TRARG1: variants seen among roughly 807,000 people sequenced by gnomAD.
TRARG1 encodes trafficking regulator of GLUT4 1.
In TRARG1, 16 loss-of-function variants were observed where a neutral mutation model predicts 13.3. That is an observed-to-expected ratio of 1.20 (90% CI 0.81 to 1.83). The LOEUF (loss-of-function observed/expected upper bound fraction) is 1.83. Ranked by LOEUF, TRARG1 falls within the 40% of genes most tolerant of loss-of-function variation. The pLI is 0.00. For synonymous variants in TRARG1, 113 were observed against 106.2 expected (o/e 1.06, Z -0.39); for missense variants, 250 against 237.4 (o/e 1.05, Z -0.35).
At chr17:1,282,931 C>T (rs1288454985) in intron 1 of TRARG1, among the ~76,000 whole-genome samples, 1 of 152,090 alleles carries the variant, frequency 6.6e-6, no homozygotes, top group Non-Finnish European at 1.5e-5. Flanking sequence ...CTCAGGTGAT[C>T]CTCCCACCTC....
intron 1 of TRARG1, among the ~76,000 whole-genome samples, chr17:1,290,958 G>T (rs1057512219): frequency 1.3e-4 from 19 of 151,584 alleles, no homozygotes; most frequent in East Asian, 3.9e-4. Flanking sequence ...CAGGCTGGAG[G>T]GCAGTGGCAC....
rs1218556224 is a variant in TRARG1, at chr17:1,280,398, G to A, written c.387+10G>A. 1.3e-6 allele frequency: 2 copies of A among 1,571,748 alleles called. No individual in the cohort carries two copies. The highest frequency in any genetic ancestry group is 4.5e-5 in the East Asian group (2 of 44,362). On this transcript the variant is annotated intron_variant, in intron 1 of 2. Coordinates refer to ENST00000333813, the MANE Select transcript of TRARG1 (RefSeq NM_172367.3). ...CATCATTTCCATCATGGTAAGTGCT[G>A]GTCTTTGTTCCAGGGGCAGGGGCTG...
At chr17:1,280,451 C>T in intron 1 of TRARG1, 63 bp downstream of exon 1, 1 of 1,475,214 alleles carries the variant, frequency 6.8e-7, no homozygotes, top group Non-Finnish European at 9.0e-7. Flanking sequence ...GTGTTTCCCC[C>T]AGGCAGGCAC....
intron 1 of TRARG1, among the ~76,000 whole-genome samples, 191 bp from the exon 2 acceptor site, chr17:1,295,300 G>C (rs945136541): frequency 5.9e-5 from 9 of 152,234 alleles, no homozygotes; most frequent in African/African-American, 2.2e-4. Context: ...GTGGTTAGGG[G>C]TCTGCACAAG....
rs370626794 is a variant in TRARG1, at chr17:1,281,935, C to T, written c.387+1547C>T. 3.1e-4 allele frequency among the ~76,000 whole-genome samples: 47 copies of T among 151,948 alleles called. 1 individual carries two copies. The South Asian group carries it at 6.2e-3, about 20-fold the overall frequency. On this transcript the variant is annotated intron_variant, in intron 1 of 2. Coordinates refer to ENST00000333813, the MANE Select transcript of TRARG1 (RefSeq NM_172367.3). ...GAGTTTCTATATATACATATACATA[C>T]ATGTACATATATGCACATACATGTA...
Position 1,280,278 on chromosome 17 carries a change from T to C in TRARG1, c.277T>C (p.Ser93Pro), listed in dbSNP as rs375426779. The C allele has an allele frequency of 3.9e-5, 63 of 1,613,804 alleles. 2 individuals are homozygous for C. The African/African-American group carries it at 6.8e-4, about 17-fold the overall frequency. ...SRRASSIATT[S>P]YAQDQEAPRD... Reference sequence around the variant, plus strand: ...GAGGGCGTCCTCCATCGCCACCACCTCCTATGCCCAAGACCAAGAAGCCCC... The same window carrying C: ...GAGGGCGTCCTCCATCGCCACCACCCCCTATGCCCAAGACCAAGAAGCCCC... Residue 93 changes from serine to proline, a missense_variant, in exon 1 of 3, where the codon TCC (serine) becomes CCC (proline). Transcript: ENST00000333813.
At chr17:1,297,851 C>A (rs879415753) in intron 2 of TRARG1, among the ~76,000 whole-genome samples, 52 of 152,150 alleles carry the variant, frequency 3.4e-4, no homozygotes, top group South Asian at 6.2e-4. Context: ...GTGATCTGCC[C>A]GCCTCTGCCT....
intron 2 of TRARG1, among the ~76,000 whole-genome samples, chr17:1,297,682 C>T (rs1407279009): frequency 6.7e-6 from 1 of 149,402 alleles, no homozygotes. Flanking sequence ...CGGCTCACTG[C>T]AACCTCTGTC....
At chr17:1,282,560 G>A (rs898266595) in intron 1 of TRARG1, among the ~76,000 whole-genome samples, 1 of 151,802 alleles carries the variant, frequency 6.6e-6, no homozygotes, top group African/African-American at 2.4e-5. Context: ...TAGTAGAGAC[G>A]GGGTTTTACC....
chr17:1,300,830 C>T lies in TRARG1; in HGVS notation c.*2566C>T, dbSNP rs1056292. 31,783 of 152,310 alleles carry T rather than the reference C, an allele frequency of 0.21. 3,802 individuals carry two copies. The highest frequency in any genetic ancestry group is 0.35 in the East Asian group (1,832 of 5,178). The allele number at this position is 152,310 out of a possible 1,614,324, so 9.4% of individuals were successfully genotyped here. A position where few individuals can be genotyped will look rare whatever the true frequency, so the allele number is the denominator to read the frequency against. Reference sequence around the variant, plus strand: ...CCATCTTGGTTCTAGCCGCCACCTGCATGAACACAGTGGCCCGGCTTAACG... The same window carrying T: ...CCATCTTGGTTCTAGCCGCCACCTGTATGAACACAGTGGCCCGGCTTAACG... On this transcript the variant is annotated 3_prime_UTR_variant, in exon 3 of 3. Transcript: ENST00000333813.
intron 1 of TRARG1, among the ~76,000 whole-genome samples, chr17:1,284,080 A>C (rs1252437193): frequency 1.3e-5 from 2 of 151,596 alleles, no homozygotes. Flanking sequence ...GTGCCACTGC[A>C]CTCCAGCCTG....
Position 1,288,220 on chromosome 17 carries a change from G to A in TRARG1, c.388-7271G>A, listed in dbSNP as rs577194715. Among the ~76,000 whole-genome samples the A allele has an allele frequency of 3.3e-5, 5 of 151,926 alleles. No homozygotes were observed. The East Asian group carries it at 9.6e-4, about 29-fold the overall frequency. ...TAAGAGCTGCCTCCACGTGCTGTCT[G>A]AGCTTCATCCCCCACCAGCTCCCCA... On this transcript the variant is annotated intron_variant, in intron 1 of 2. Transcript: ENST00000333813.
chr17:1,290,248 G>A (rs1215653726), intron 1 of TRARG1, among the ~76,000 whole-genome samples: 1 of 152,188 alleles, frequency 6.6e-6, no homozygotes, highest in African/African-American at 2.4e-5. Flanking sequence ...CTGGCTCCCT[G>A]TTCCTGCAGG....
In TRARG1 at chr17:1,293,770, C is replaced by T. The variant is rs143203040; in HGVS notation, c.388-1721C>T. On this transcript the variant is annotated intron_variant, in intron 1 of 2. Coordinates refer to ENST00000333813, the MANE Select transcript of TRARG1 (RefSeq NM_172367.3). ...CCAGACGGAGCTTGGAATGGAAGTG[C>T]AGGGCTGGGTGCAGGCTGGTCAGAA... 1.1e-3 allele frequency among the ~76,000 whole-genome samples: 164 copies of T among 152,120 alleles called. 1 individual carries two copies. The highest frequency in any genetic ancestry group is 3.9e-3 in the African/African-American group (160 of 41,504).
At chr17:1,293,153 G>A (rs145456753) in intron 1 of TRARG1, among the ~76,000 whole-genome samples, 6,328 of 151,928 alleles carry the variant, frequency 0.042, 173 homozygotes, top group South Asian at 0.07. Flanking sequence ...GCGTAGTGGC[G>A]GTCACCTGTA....
intron 1 of TRARG1, among the ~76,000 whole-genome samples, chr17:1,286,767 T>A (rs72816265): frequency 7.1e-6 from 1 of 141,794 alleles, no homozygotes; most frequent in East Asian, 2.1e-4. Flanking sequence ...TATCAGCCTG[T>A]GGGGTGTTAT....
intron 1 of TRARG1, among the ~76,000 whole-genome samples, chr17:1,290,899 T>C (rs1316911631): frequency 8.9e-6 from 1 of 111,912 alleles, no homozygotes; most frequent in Non-Finnish European, 1.7e-5. Flanking sequence ...TCGCGAGATC[T>C]GATGGATTTT....
intron 1 of TRARG1, among the ~76,000 whole-genome samples, chr17:1,293,084 G>A (rs112550938): frequency 5.9e-4 from 90 of 152,152 alleles, no homozygotes; most frequent in African/African-American, 2.0e-3. Context: ...TCAGGAGATC[G>A]AGACCAGCCT....
At chr17:1,282,605 G>A (rs903430195) in intron 1 of TRARG1, among the ~76,000 whole-genome samples, 2 of 151,538 alleles carry the variant, frequency 1.3e-5, no homozygotes, top group African/African-American at 2.4e-5. Flanking sequence ...TCCCGACCTC[G>A]TGATCCACCC....
Sources: allele counts gnomAD v4.1 joint callset (sites outside exome capture counted in the v4.1 genomes callset), GRCh38; gene constraint gnomAD v4.1.1; transcripts MANE v1.5; gene names NCBI Gene and HGNC (gene_info 2026-07-23, HGNC 2026-07-21).